The following ABI3BP variants were observed in gnomAD, a reference collection of about 807,000 sequenced individuals.
ABI3BP encodes ABI family member 3 binding protein, also known as target of Nesh-SH3.
Under a neutral mutation model 268.6 loss-of-function variants are expected in ABI3BP, and 216 were observed. That is an observed-to-expected ratio of 0.80 (90% confidence interval 0.72 to 0.90). The LOEUF is 0.90. Ranked by LOEUF, ABI3BP falls within the 40% of genes least tolerant of loss-of-function variation. ABI3BP has a pLI of 0.00. For synonymous variants in ABI3BP, 730 were observed against 730.0 expected (o/e 1.00, Z 0.00); for missense variants, 2,090 against 2,182.4 (o/e 0.96, Z 0.84).
At chr3:100,870,534 C>T (rs1348124756) in intron 9 of ABI3BP, among the ~76,000 whole-genome samples, 2 of 151,806 alleles carry the variant, frequency 1.3e-5, no homozygotes, top group African/African-American at 4.8e-5. Flanking sequence ...TTAAGCAAAA[C>T]GATAAAAAAT....
intron 51 of ABI3BP, among the ~76,000 whole-genome samples, chr3:100,803,201 CA>C (rs2097581373): frequency 6.9e-6 from 1 of 145,836 alleles, no homozygotes; most frequent in Non-Finnish European, 1.6e-5. Flanking sequence ...TCTGCTCGTT[CA>C]AACTCTGGAT....
chr3:100,859,972 T>C (rs1250783889), intron 14 of ABI3BP, among the ~76,000 whole-genome samples: 1 of 152,210 alleles, frequency 6.6e-6, no homozygotes, highest in Non-Finnish European at 1.5e-5. Flanking sequence ...CTCAGGAGGC[T>C]GAGGCAGGAG....
chr3:100,811,118 G>A, intron 48 of ABI3BP, 112 bp downstream of exon 48: 2 of 861,066 alleles, frequency 2.3e-6, no homozygotes, highest in East Asian at 2.9e-5. Context: ...AACTGCCATG[G>A]CGAAGAGTGA....
chr3:100,957,973 T>G (rs2077399703), intron 1 of ABI3BP, among the ~76,000 whole-genome samples: 1 of 152,082 alleles, frequency 6.6e-6, no homozygotes, highest in South Asian at 2.1e-4. Context: ...GCAAAACAAG[T>G]GACACTGAGA....
chr3:100,816,904 A>AT (rs1252026908), intron 42 of ABI3BP, 136 bp from the exon 43 acceptor site: 3 of 655,066 alleles, frequency 4.6e-6, no homozygotes, highest in African/African-American at 1.8e-5. Context: ...TATTTTGTTA[A>AT]TTTTCTTAAT....
At chr3:100,956,597 C>T (rs1187639939) in intron 1 of ABI3BP, among the ~76,000 whole-genome samples, 1 of 152,088 alleles carries the variant, frequency 6.6e-6, no homozygotes, top group Admixed American at 6.6e-5. Context: ...GTTTTTAAGC[C>T]TTTGAGATTT....
intron 1 of ABI3BP, among the ~76,000 whole-genome samples, chr3:100,943,371 T>C (rs2153723058): frequency 6.6e-6 from 1 of 152,250 alleles, no homozygotes; most frequent in South Asian, 2.1e-4. Context: ...ATGCATGCCA[T>C]TAACTAAAGT....
chr3:100,859,810 C>T (rs1294430477), intron 14 of ABI3BP, among the ~76,000 whole-genome samples: 1 of 152,130 alleles, frequency 6.6e-6, no homozygotes, highest in African/African-American at 2.4e-5. Flanking sequence ...TGATTTGAGG[C>T]CTATGGTGCT....
intron 51 of ABI3BP, among the ~76,000 whole-genome samples, chr3:100,800,568 G>A (rs2097504382): frequency 6.6e-6 from 1 of 152,088 alleles, no homozygotes; most frequent in Non-Finnish European, 1.5e-5. Context: ...CCGCCTCCCT[G>A]GTTCATGCCA....
rs182309994 is a variant in ABI3BP at position 100,965,027 on chromosome 3, A to G, written c.79+28279T>C. ...GTATTAATAAGGAAACCCAAACTGC[A>G]TTATTTAAGTTCTAATAGTATAAGT... is the stretch of plus-strand genomic sequence containing the variant. On this transcript the variant is annotated intron_variant, in intron 1 of 67. Transcript: ENST00000471714. Among the ~76,000 whole-genome samples the G allele has an allele frequency of 2.6e-3, 385 of 148,652 alleles. 1 individual carries two copies. The highest frequency in any genetic ancestry group is 5.4e-3 in the Admixed American group (81 of 14,894).
intron 1 of ABI3BP, among the ~76,000 whole-genome samples, chr3:100,955,002 C>CCCA (rs71618740): frequency 8.1e-6 from 1 of 123,612 alleles, no homozygotes; most frequent in Non-Finnish European, 1.7e-5. Flanking sequence ...TTTTTTTTTA[C>CCCA]GAATCATAAA....
chr3:100,818,116 G>A (rs186468190), intron 41 of ABI3BP, among the ~76,000 whole-genome samples: 1 of 152,020 alleles, frequency 6.6e-6, no homozygotes, highest in African/African-American at 2.4e-5. Flanking sequence ...ATCATTCCTT[G>A]AAACAAAAAA....
At chr3:100,838,083 G>A (rs1022256885) in intron 26 of ABI3BP, 127 bp downstream of exon 26, 74 of 1,075,520 alleles carry the variant, frequency 6.9e-5, no homozygotes, top group Non-Finnish European at 9.9e-5. Flanking sequence ...GCTACTTGGA[G>A]AAGATAATGA....
Position 100,898,820 on chromosome 3 carries a change from C to A in ABI3BP, c.403G>T (p.Gly135Cys). 2 of 1,613,554 alleles carry A rather than the reference C, an allele frequency of 1.2e-6. No homozygotes were observed. Among genetic ancestry groups the A allele is most frequent in the South Asian group, 1.1e-5 (1 of 90,990 alleles). ...TCATGGTGTGGGTTGATGAGGAAAC[C>A]CCAGGACAGGAAGACCGAGCTCGGT... ...LTPSSVFLSW[G>C]FLINPHHDWT... is the part of the protein sequence containing the mutation. Residue 135 changes from glycine to cysteine, a missense_variant, in exon 4 of 68, where the codon GGT (glycine) becomes TGT (cysteine). Transcript: ENST00000471714.
In ABI3BP at chr3:100,871,807, T is replaced by C. The variant is rs1429554805; in HGVS notation, c.910+3034A>G. Among the ~76,000 whole-genome samples the C allele has an allele frequency of 2.0e-5, 3 of 152,162 alleles. No homozygotes were observed. In the East Asian group the frequency reaches 5.8e-4, roughly 29 times the overall value. On this transcript the variant is annotated intron_variant, in intron 9 of 67. Transcript: ENST00000471714. Reference sequence around the variant, plus strand: ...AATACAGTGTGTAAGAAATTCTCCATGTGTTAAATTTTCTATGTGTTCTTT... The same window carrying C: ...AATACAGTGTGTAAGAAATTCTCCACGTGTTAAATTTTCTATGTGTTCTTT...
At chr3:100,892,595 C>G (rs2045256081) in intron 4 of ABI3BP, among the ~76,000 whole-genome samples, 4 of 152,130 alleles carry the variant, frequency 2.6e-5, no homozygotes, top group African/African-American at 2.4e-5. Context: ...AGATTCAACC[C>G]TGGAAGTCAT....
intron 1 of ABI3BP, among the ~76,000 whole-genome samples, chr3:100,940,406 G>A (rs750982007): frequency 2.6e-5 from 4 of 151,856 alleles, no homozygotes; most frequent in Admixed American, 6.6e-5. Context: ...GACTTCAGCC[G>A]GTCCCTCCGT....
rs566260678 is a variant in ABI3BP, at chr3:100,940,436, G to T, written c.80-13955C>A. On this transcript the variant is annotated intron_variant, in intron 1 of 67. Transcript: ENST00000471714. ...CTCCGTTTGGGATCCCTGACTTCCC[G>T]CAACAGTCATCTTTATTATGGCACC... Among the ~76,000 whole-genome samples the T allele has an allele frequency of 3.9e-5, 6 of 151,922 alleles. No homozygotes were observed. The South Asian group carries it at 1.2e-3, about 32-fold the overall frequency.
At chr3:100,819,476 A>G (rs2098141959) in intron 40 of ABI3BP, among the ~76,000 whole-genome samples, 1 of 152,056 alleles carries the variant, frequency 6.6e-6, no homozygotes, top group African/African-American at 2.4e-5. Context: ...ACAGGTTTTG[A>G]TCTTGACTAT....
Sources: allele counts gnomAD v4.1 joint callset (sites outside exome capture counted in the v4.1 genomes callset), GRCh38; gene constraint gnomAD v4.1.1; transcripts MANE v1.5; gene names NCBI Gene and HGNC (gene_info 2026-07-23, HGNC 2026-07-21).